The following MRPS18A variants were observed in gnomAD, a reference collection of about 807,000 sequenced individuals.
MRPS18A encodes the protein large ribosomal subunit protein mL66.
MRPS18A carries 20 observed loss-of-function variants against 22.7 expected under a neutral mutation model. The ratio of observed to expected loss-of-function variants is 0.88; its 90% CI spans 0.62 to 1.28. The LOEUF is 1.28. Among genes scored for constraint, MRPS18A ranks in the 50% most tolerant of loss-of-function variants. The probability of loss-of-function intolerance (pLI) is 0.00; values close to 1 mark genes in which losing one functional copy is unlikely to be tolerated. For missense variants in MRPS18A, 294 were observed against 262.6 expected (o/e 1.12, Z -0.83); for synonymous variants, 106 against 99.1 (o/e 1.07, Z -0.41).
At chr6:43,685,028 A>C (rs1774616010) in intron 1 of MRPS18A, among the ~76,000 whole-genome samples, 1 of 152,148 alleles carries the variant, frequency 6.6e-6, no homozygotes. Context: ...GGGAACAATA[A>C]GGGAGGCCCT....
At chr6:43,671,960 G>A (rs1301059409) in intron 5 of MRPS18A, 54 bp from the exon 6 acceptor site, 11 of 1,511,930 alleles carry the variant, frequency 7.3e-6, no homozygotes, top group East Asian at 4.8e-5. Flanking sequence ...CAAGCTGGAC[G>A]TGGGAGAGTG....
intron 1 of MRPS18A, among the ~76,000 whole-genome samples, chr6:43,681,575 A>C (rs1774417635): frequency 6.6e-6 from 1 of 152,248 alleles, no homozygotes; most frequent in Non-Finnish European, 1.5e-5. Flanking sequence ...TTTACAATGT[A>C]AGATATAGCA....
At chr6:43,679,471 TA>T (rs1774263968) in intron 2 of MRPS18A, among the ~76,000 whole-genome samples, 1 of 152,242 alleles carries the variant, frequency 6.6e-6, no homozygotes, top group African/African-American at 2.4e-5. Context: ...TGCCACCTTT[TA>T]AACCCTGCTG....
intron 5 of MRPS18A, chr6:43,672,399 T>C: frequency 2.1e-6 from 1 of 471,540 alleles, no homozygotes; most frequent in Middle Eastern, 3.3e-4. Context: ...GTGATGGGAA[T>C]CAAGGGGTAA....
At chr6:43,681,219 C>G (rs1774392572) in intron 1 of MRPS18A, 99 bp from the exon 2 acceptor site, 1 of 1,243,018 alleles carries the variant, frequency 8.0e-7, no homozygotes, top group Admixed American at 1.9e-5. Context: ...AAAAAGCAGC[C>G]TTCCATCTGT....
At chr6:43,683,182 T>C (rs1239956650) in intron 1 of MRPS18A, among the ~76,000 whole-genome samples, 1 of 152,178 alleles carries the variant, frequency 6.6e-6, no homozygotes, top group African/African-American at 2.4e-5. Flanking sequence ...CAAGCTCCAC[T>C]GTTCACAAAC....
intron 5 of MRPS18A, 99 bp from the exon 6 acceptor site, chr6:43,672,005 C>A (rs778939272): frequency 6.0e-6 from 8 of 1,335,456 alleles, no homozygotes; most frequent in Non-Finnish European, 8.0e-6. Flanking sequence ...CACGGTTGGG[C>A]AAGCAAATCC....
At chr6:43,687,642 G>A (rs1366234019) in intron 1 of MRPS18A, 26 bp downstream of exon 1, 13 of 1,535,520 alleles carry the variant, frequency 8.5e-6, no homozygotes, top group Non-Finnish European at 1.1e-5. Flanking sequence ...CTTAATTTCA[G>A]GAGGTTGCTG....
At chr6:43,677,874 T>C (rs75703910) in intron 3 of MRPS18A, among the ~76,000 whole-genome samples, 16,016 of 152,198 alleles carry the variant, frequency 0.11, 1,015 homozygotes, top group East Asian at 0.27. Flanking sequence ...CTGTCTTTTT[T>C]CCCTGGAAAC....
chr6:43,671,873 C>A lies in MRPS18A; in HGVS notation c.480G>T (p.Lys160Asn). 1 of 1,613,436 alleles carries A rather than the reference C, an allele frequency of 6.2e-7. No individual in the cohort carries two copies. The highest frequency in any genetic ancestry group is 8.5e-7 in the Non-Finnish European group (1 of 1,179,652). ...YLTRWAPGSVKPIYKKGPRWN... is the reference protein window; with the variant it reads ...YLTRWAPGSVNPIYKKGPRWN... ...AGCGGGGGCCTTTTTTGTAGATGGGCTTGACGGAGCCAGGAGCCCAGCGCG... is the reference window on the plus strand; with the variant it reads ...AGCGGGGGCCTTTTTTGTAGATGGGATTGACGGAGCCAGGAGCCCAGCGCG... Residue 160 changes from lysine to asparagine, a missense_variant, in exon 6 of 6, where the codon AAG becomes AAT. Lys to Asn is a moderately conservative substitution (Grantham distance 94). Coordinates refer to ENST00000372133, the MANE Select transcript of MRPS18A (RefSeq NM_018135.4).
At chr6:43,684,346 G>A (rs1245152842) in intron 1 of MRPS18A, among the ~76,000 whole-genome samples, 3 of 152,030 alleles carry the variant, frequency 2.0e-5, no homozygotes, top group African/African-American at 7.2e-5. Flanking sequence ...TGATGGCTGG[G>A]CAGTGGCCCT....
At position 43,687,714 on chromosome 6, in the gene MRPS18A, C is replaced by T. The variant is rs1253575432; in HGVS notation, c.66G>A (p.Pro22=). The T allele has an allele frequency of 5.0e-6, 8 of 1,586,742 alleles. No homozygotes were observed. In the African/African-American group the frequency reaches 6.7e-5, roughly 13 times the overall value. ...GRLLRGLLAG[P]AATSWSRLPA... is the part of the protein sequence containing the mutation. ...GAAGCCGAGACCAGCTGGTCGCTGC[C>T]GGGCCCGCTAGTAGCCCACGGAGAA... The change falls in exon 1 of 6, where the codon CCG becomes CCA. Residue 22 remains proline (P), a synonymous_variant. Coordinates refer to ENST00000372133, the MANE Select transcript of MRPS18A (RefSeq NM_018135.4).
At chr6:43,685,913 C>G (rs1215814323) in intron 1 of MRPS18A, among the ~76,000 whole-genome samples, 2 of 152,158 alleles carry the variant, frequency 1.3e-5, no homozygotes, top group Non-Finnish European at 2.9e-5. Context: ...CATATTAATT[C>G]AACCTAACAT....
intron 3 of MRPS18A, among the ~76,000 whole-genome samples, chr6:43,677,080 A>G (rs2127945876): frequency 6.6e-6 from 1 of 152,290 alleles, no homozygotes; most frequent in Middle Eastern, 3.4e-3. Flanking sequence ...GGAGAGAGCC[A>G]AGTATGTTTC....
intron 1 of MRPS18A, among the ~76,000 whole-genome samples, chr6:43,681,396 CA>C (rs1259388297): frequency 6.6e-6 from 1 of 152,216 alleles, no homozygotes; most frequent in African/African-American, 2.4e-5. Flanking sequence ...CCTTTCTATG[CA>C]AAGATTTATC....
chr6:43,685,055 G>A (rs533768780), intron 1 of MRPS18A, among the ~76,000 whole-genome samples: 1 of 152,230 alleles, frequency 6.6e-6, no homozygotes, highest in African/African-American at 2.4e-5. Flanking sequence ...GAATACCAAG[G>A]TGATGTTACT....
Position 43,671,659 on chromosome 6 carries a change from G to A in MRPS18A, c.*103C>T, listed in dbSNP as rs1016890601. ...TGCATGTTGGAGGGACCAGGCCATC[G>A]TGGTGGGGTGGGACAGGAGTATAGT... On this transcript the variant is annotated 3_prime_UTR_variant, in exon 6 of 6. Coordinates refer to ENST00000372133, the MANE Select transcript of MRPS18A (RefSeq NM_018135.4). The A allele has an allele frequency of 2.9e-5, 40 of 1,379,942 alleles. No homozygotes were observed. Among genetic ancestry groups the A allele is most frequent in the Middle Eastern group, 2.1e-4 (1 of 4,754 alleles). 85.5% of individuals were successfully genotyped at this position (1,379,942 alleles called of 1,614,324 possible).
intron 1 of MRPS18A, among the ~76,000 whole-genome samples, chr6:43,682,150 T>G (rs886642476): frequency 6.6e-6 from 1 of 152,056 alleles, no homozygotes; most frequent in African/African-American, 2.4e-5. Context: ...ATCACTAAAA[T>G]TAGCCAGGCA....
intron 2 of MRPS18A, among the ~76,000 whole-genome samples, chr6:43,679,453 A>G (rs574099670): frequency 7.2e-5 from 11 of 152,346 alleles, no homozygotes; most frequent in Non-Finnish European, 1.3e-4. Flanking sequence ...TGCTTTTATC[A>G]TTTTGGATGC....
Sources: allele counts gnomAD v4.1 joint callset (sites outside exome capture counted in the v4.1 genomes callset), GRCh38; gene constraint gnomAD v4.1.1; transcripts MANE v1.5; gene names NCBI Gene and HGNC (gene_info 2026-07-23, HGNC 2026-07-21).